The following TCF4 variants were observed in gnomAD, a reference collection of about 807,000 sequenced individuals.
TCF4 encodes transcription factor 4, also known as SL3-3 enhancer factor 2.
A neutral mutation model predicts 82.1 loss-of-function variants in TCF4; 3 were observed. The ratio of observed to expected loss-of-function variants is 0.04; its 90% CI spans 0.02 to 0.09. The LOEUF (loss-of-function observed/expected upper bound fraction) is 0.09, where lower values mean the gene tolerates loss of function less well. TCF4 is among the 10% of genes least tolerant of loss of function. TCF4 has a pLI of 1.00. For missense variants in TCF4, 518 were observed against 852.7 expected, an observed-to-expected ratio of 0.61 and a Z score of 4.89; for synonymous variants, 276 against 309.6, an observed-to-expected ratio of 0.89 and a Z score of 1.14.
chr18:55,306,458 G>A (rs2070371868), intron 8 of TCF4, among the ~76,000 whole-genome samples: 1 of 152,194 alleles, frequency 6.6e-6, no homozygotes, highest in Admixed American at 6.5e-5. Flanking sequence ...ATTCAGCAAT[G>A]TTCAGTTTTA....
chr18:55,465,058 T>C (rs1180388178), intron 3 of TCF4, among the ~76,000 whole-genome samples: 1 of 152,216 alleles, frequency 6.6e-6, no homozygotes, highest in Non-Finnish European at 1.5e-5. Flanking sequence ...TGTGAGATTT[T>C]TGATGAAAGG....
chr18:55,588,005 G>A, intron 1 of TCF4, 33 bp downstream of exon 1: 3 of 979,868 alleles, frequency 3.1e-6, no homozygotes, highest in Non-Finnish European at 3.6e-6. Context: ...GGGCGCCTCC[G>A]CCCCGCCGAG....
intron 11 of TCF4, chr18:55,266,223 T>C (rs1002757189): frequency 1.3e-5 from 2 of 152,178 alleles, no homozygotes; most frequent in African/African-American, 4.8e-5. Context: ...CAAATGTGTA[T>C]GGTTAATATC....
Position 55,279,779 on chromosome 18 carries a change from C to G in TCF4, c.550-123G>C, listed in dbSNP as rs2062173675. On this transcript the variant is annotated intron_variant, in intron 8 of 19. Transcript: ENST00000354452. Reference sequence around the variant, plus strand: ...CTACCCTTTCCAGTTTAAATCTGAACAAACCCTAGAAACAGTGCCCTTTCC... The same window carrying G: ...CTACCCTTTCCAGTTTAAATCTGAAGAAACCCTAGAAACAGTGCCCTTTCC... The G allele has an allele frequency of 6.8e-7, 1 of 1,467,768 alleles. No homozygotes were observed. Among genetic ancestry groups the G allele is most frequent in the Non-Finnish European group, 9.2e-7 (1 of 1,088,688 alleles). 90.9% of individuals were successfully genotyped at this position (1,467,768 alleles called of 1,614,324 possible). A position where few individuals can be genotyped will look rare whatever the true frequency, so the allele number is the denominator to read the frequency against.
chr18:55,415,268 T>G (rs905537569), intron 5 of TCF4, among the ~76,000 whole-genome samples: 9 of 152,050 alleles, frequency 5.9e-5, no homozygotes, highest in African/African-American at 2.2e-4. Flanking sequence ...AAACAAAACC[T>G]CACCTTTATT....
chr18:55,395,946 G>T (rs1217902396), intron 6 of TCF4, among the ~76,000 whole-genome samples: 1 of 151,948 alleles, frequency 6.6e-6, no homozygotes, highest in Non-Finnish European at 1.5e-5. Flanking sequence ...CCCCCTTAAG[G>T]CTGGGCAGTC....
chr18:55,369,481 C>T (rs2088281430), intron 6 of TCF4, among the ~76,000 whole-genome samples: 1 of 152,112 alleles, frequency 6.6e-6, no homozygotes, highest in Non-Finnish European at 1.5e-5. Context: ...GCCACAATGC[C>T]AGTTTCCTTT....
At chr18:55,497,111 A>C (rs1373261849) in intron 3 of TCF4, among the ~76,000 whole-genome samples, 3 of 152,198 alleles carry the variant, frequency 2.0e-5, no homozygotes, top group Non-Finnish European at 2.9e-5. Flanking sequence ...TATTATAAAT[A>C]TCTTCAATAA....
intron 8 of TCF4, among the ~76,000 whole-genome samples, chr18:55,285,636 A>C (rs991860734): frequency 1.1e-4 from 16 of 152,206 alleles, no homozygotes; most frequent in Non-Finnish European, 1.9e-4. Context: ...GAACATCACC[A>C]ACACAGGACT....
At chr18:55,326,190 A>G (rs2076522288) in intron 8 of TCF4, among the ~76,000 whole-genome samples, 1 of 152,114 alleles carries the variant, frequency 6.6e-6, no homozygotes, top group African/African-American at 2.4e-5. Flanking sequence ...TTGATGAGTA[A>G]CCTTGCTGCT....
chr18:55,635,303 A>T (rs2097735223), intron 1 of TCF4, among the ~76,000 whole-genome samples: 1 of 152,066 alleles, frequency 6.6e-6, no homozygotes, highest in South Asian at 2.1e-4. Context: ...GAAGTCAGGA[A>T]TTCGAGGCCA....
intron 8 of TCF4, among the ~76,000 whole-genome samples, chr18:55,300,095 GATATACACACACACAC>G (rs2067691081): frequency 6.9e-6 from 1 of 145,466 alleles, no homozygotes; most frequent in Non-Finnish European, 1.5e-5. Context: ...CACACATACA[GATATACACACACACAC>G]ACACACACAC....
intron 3 of TCF4, among the ~76,000 whole-genome samples, chr18:55,509,019 C>T (rs2096795328): frequency 6.6e-6 from 1 of 152,172 alleles, no homozygotes; most frequent in African/African-American, 2.4e-5. Context: ...AATCTCTTTA[C>T]ATTTTAAACA....
At chr18:55,341,362 A>AT (rs1464147049) in intron 8 of TCF4, among the ~76,000 whole-genome samples, 2 of 152,212 alleles carry the variant, frequency 1.3e-5, no homozygotes, top group Non-Finnish European at 2.9e-5. Context: ...GGAATAAATG[A>AT]TTCAATAGAT....
intron 8 of TCF4, among the ~76,000 whole-genome samples, chr18:55,299,775 C>T (rs1430001987): frequency 6.6e-6 from 1 of 152,064 alleles, no homozygotes; most frequent in Middle Eastern, 3.2e-3. Context: ...TCACCATTCC[C>T]CAATAGTAGA....
At chr18:55,448,900 C>G (rs1324598703) in intron 5 of TCF4, among the ~76,000 whole-genome samples, 1 of 152,156 alleles carries the variant, frequency 6.6e-6, no homozygotes, top group Non-Finnish European at 1.5e-5. Context: ...GGGGCAAAAT[C>G]TCATTAACTA....
chr18:55,290,014 C>G (rs758774129), intron 8 of TCF4, among the ~76,000 whole-genome samples: 2 of 152,102 alleles, frequency 1.3e-5, no homozygotes, highest in Non-Finnish European at 2.9e-5. Flanking sequence ...ATGGGATACA[C>G]GTCAAACTAA....
At chr18:55,587,992 G>C in intron 1 of TCF4, 46 bp downstream of exon 1, 1 of 979,448 alleles carries the variant, frequency 1.0e-6, no homozygotes, top group Non-Finnish European at 1.2e-6. Flanking sequence ...ACCCCGCGCC[G>C]CCGGGCGCCT....
chr18:55,349,594 G>A (rs1569131050), intron 8 of TCF4, among the ~76,000 whole-genome samples: 2 of 151,974 alleles, frequency 1.3e-5, no homozygotes, highest in Non-Finnish European at 2.9e-5. Flanking sequence ...AAGAAGAGAG[G>A]AAACTATGTT....
Sources: gnomAD v4.1 joint callset for allele counts (sites outside exome capture counted in the v4.1 genomes callset) on GRCh38, gnomAD v4.1.1 for gene constraint, MANE v1.5 for transcripts, NCBI Gene and HGNC (gene_info 2026-07-23, HGNC 2026-07-21) for gene names.